NRG1: variants seen among roughly 807,000 people sequenced by gnomAD.
The protein encoded by NRG1 is neuregulin 1.
Under a neutral mutation model 63.8 loss-of-function variants are expected in NRG1, and 18 were observed. The observed-to-expected ratio is 0.28, with a 90% CI of 0.19 to 0.42. The LOEUF is 0.42. Among genes scored for constraint, NRG1 ranks in the 10% least tolerant of loss-of-function variants. The probability of loss-of-function intolerance (pLI) is 1.00; values close to 1 mark genes in which losing one functional copy is unlikely to be tolerated. For synonymous variants in NRG1, 302 were observed against 301.3 expected (o/e 1.00, Z -0.02); for missense variants, 762 against 814.7 (o/e 0.94, Z 0.79).
intron 5 of NRG1, among the ~76,000 whole-genome samples, chr8:32,668,862 T>C (rs1357753573): frequency 6.6e-6 from 1 of 152,230 alleles, no homozygotes; most frequent in East Asian, 1.9e-4. Flanking sequence ...GCCTAACTTC[T>C]GCTAGCAACA....
At chr8:31,837,308 A>G (rs558354155) in intron 1 of NRG1, among the ~76,000 whole-genome samples, 1 of 152,100 alleles carries the variant, frequency 6.6e-6, no homozygotes, top group Non-Finnish European at 1.5e-5. Flanking sequence ...TTGAGTCAAA[A>G]ATTGAGAGAC....
intron 1 of NRG1, among the ~76,000 whole-genome samples, chr8:32,377,645 C>T (rs1413702790): frequency 6.6e-6 from 1 of 152,186 alleles, no homozygotes; most frequent in Non-Finnish European, 1.5e-5. Context: ...CACACAGCAG[C>T]TTGGCTTCCA....
At chr8:32,225,006 A>G (rs1013789940) in intron 1 of NRG1, among the ~76,000 whole-genome samples, 1 of 152,230 alleles carries the variant, frequency 6.6e-6, no homozygotes, top group Non-Finnish European at 1.5e-5. Context: ...TCGAAATGTC[A>G]TAACAGTGTA....
chr8:32,426,589 T>G (rs1430446530), intron 1 of NRG1, among the ~76,000 whole-genome samples: 4 of 152,138 alleles, frequency 2.6e-5, no homozygotes, highest in Non-Finnish European at 5.9e-5. Flanking sequence ...AGATGATAAA[T>G]GGAAGAATAC....
At chr8:31,969,088 A>G (rs1009505510) in intron 1 of NRG1, among the ~76,000 whole-genome samples, 3 of 152,252 alleles carry the variant, frequency 2.0e-5, no homozygotes, top group African/African-American at 4.8e-5. Context: ...ATTCCTGTGT[A>G]GTGAGATGCC....
At chr8:32,163,706 C>T (rs1299208891) in intron 1 of NRG1, among the ~76,000 whole-genome samples, 4 of 152,196 alleles carry the variant, frequency 2.6e-5, no homozygotes, top group African/African-American at 9.7e-5. Context: ...TCTTAATTTA[C>T]TCGCTCTGCC....
At chr8:32,547,588 TAA>T (rs1292307760), upstream of NRG1, among the ~76,000 whole-genome samples, 6 of 114,428 alleles carry the variant, frequency 5.2e-5, no homozygotes, top group African/African-American at 1.7e-4. Flanking sequence ...AGGCACTTAC[TAA>T]ACACACACAC....
At chr8:32,621,204 T>G (rs535175704) in intron 5 of NRG1, among the ~76,000 whole-genome samples, 4 of 152,200 alleles carry the variant, frequency 2.6e-5, no homozygotes, top group Non-Finnish European at 5.9e-5. Context: ...AGTTGTTAAT[T>G]ATATTTTTAA....
intron 1 of NRG1, among the ~76,000 whole-genome samples, chr8:31,647,467 G>A: frequency 6.6e-6 from 1 of 152,160 alleles, no homozygotes; most frequent in East Asian, 1.9e-4. Context: ...AGATGTGGTG[G>A]CAGCATTTTC....
chr8:31,652,954 T>TCTCTCCTCTCCTCTC (rs149262363), intron 1 of NRG1, among the ~76,000 whole-genome samples: 5 of 22,438 alleles, frequency 2.2e-4, no homozygotes, highest in African/African-American at 9.4e-4. Context: ...CTTCCTCTCT[T>TCTCTCCTCTCCTCTC]CTCTCCTCTC....
chr8:31,824,769 A>G (rs969242083), intron 1 of NRG1, among the ~76,000 whole-genome samples: 38 of 152,222 alleles, frequency 2.5e-4, no homozygotes, highest in African/African-American at 8.9e-4. Context: ...AAATATTCAC[A>G]TTAGACATTT....
intron 1 of NRG1, among the ~76,000 whole-genome samples, chr8:31,940,596 A>AAAAT: frequency 6.6e-6 from 1 of 152,232 alleles, no homozygotes; most frequent in South Asian, 2.1e-4. Context: ...AACAATACAG[A>AAAAT]AAATAAATAA....
At chr8:32,737,341 A>G (rs1008401329) in intron 6 of NRG1, among the ~76,000 whole-genome samples, 2 of 152,094 alleles carry the variant, frequency 1.3e-5, no homozygotes, top group African/African-American at 4.8e-5. Flanking sequence ...CCTGAGGTTC[A>G]GGAGTTTGAG....
chr8:32,716,346 G>A (rs534568832), intron 5 of NRG1, among the ~76,000 whole-genome samples: 2 of 152,310 alleles, frequency 1.3e-5, no homozygotes, highest in African/African-American at 4.8e-5. Context: ...TTGGAAGAAT[G>A]AACACAGCCT....
Position 32,191,088 on chromosome 8 carries a change from A to ATTT in NRG1, c.38-404728_38-404726dup, listed in dbSNP as rs113888865. ...CTGGAACAAAGTTATCAGTTATTAGATTTTTTTTTTTTTTGAGTTGGAGTC... is the reference window on the plus strand; with the variant it reads ...CTGGAACAAAGTTATCAGTTATTAGATTTTTTTTTTTTTTTTTGAGTTGGAGTC... On this transcript the variant is annotated intron_variant, in intron 1 of 10. Transcript: ENST00000519301. 2.8e-4 allele frequency among the ~76,000 whole-genome samples: 41 copies of ATTT among 146,152 alleles called. 1 individual carries two copies. The South Asian group carries it at 6.7e-3, about 24-fold the overall frequency.
chr8:32,371,152 C>T (rs28671617), intron 1 of NRG1, among the ~76,000 whole-genome samples: 20,907 of 152,084 alleles, frequency 0.14, 1,718 homozygotes, highest in Middle Eastern at 0.21. Flanking sequence ...GCAGAATTTG[C>T]AGCGAGCCGA....
chr8:32,050,641 C>T (rs1821831924), intron 1 of NRG1, among the ~76,000 whole-genome samples: 1 of 152,114 alleles, frequency 6.6e-6, no homozygotes, highest in South Asian at 2.1e-4. Context: ...AAACTGTATA[C>T]AGACCACATG....
intron 1 of NRG1, among the ~76,000 whole-genome samples, chr8:31,668,920 T>A (rs1806823887): frequency 6.6e-6 from 1 of 152,172 alleles, no homozygotes; most frequent in Non-Finnish European, 1.5e-5. Flanking sequence ...GTGTTTTGGA[T>A]TTTGGATTTT....
At chr8:32,565,999 C>T (rs191624279) in intron 1 of NRG1, among the ~76,000 whole-genome samples, 1 of 152,262 alleles carries the variant, frequency 6.6e-6, no homozygotes, top group Non-Finnish European at 1.5e-5. Flanking sequence ...CTGTGCACAC[C>T]TAGGCATGTA....
Sources: gnomAD v4.1 joint callset for allele counts (sites outside exome capture counted in the v4.1 genomes callset) on GRCh38, gnomAD v4.1.1 for gene constraint, MANE v1.5 for transcripts, NCBI Gene and HGNC (gene_info 2026-07-23, HGNC 2026-07-21) for gene names.